CTNNA3: variants seen among roughly 807,000 people sequenced by gnomAD.
CTNNA3 encodes the protein catenin alpha 3, also known as catenin alpha-3.
A neutral mutation model predicts 95.7 loss-of-function variants in CTNNA3; 76 were observed. The ratio of observed to expected loss-of-function variants is 0.79; its 90% confidence interval spans 0.66 to 0.96. The LOEUF (loss-of-function observed/expected upper bound fraction) is 0.96. Ranked by LOEUF, CTNNA3 falls within the 40% of genes least tolerant of loss-of-function variation. CTNNA3 has a pLI of 0.00. For synonymous variants in CTNNA3, 431 were observed against 374.4 expected (o/e 1.15, Z -1.74); for missense variants, 1,191 against 1,089.8 (o/e 1.09, Z -1.31).
chr10:66,960,742 C>T (rs994349653), intron 7 of CTNNA3, among the ~76,000 whole-genome samples: 1 of 152,168 alleles, frequency 6.6e-6, no homozygotes, highest in East Asian at 1.9e-4. Flanking sequence ...CAGAACAGAA[C>T]AGAATGGCAT....
chr10:67,443,495 G>C (rs1238362199), intron 5 of CTNNA3, among the ~76,000 whole-genome samples: 2 of 151,928 alleles, frequency 1.3e-5, no homozygotes, highest in Non-Finnish European at 2.9e-5. Flanking sequence ...GTTCTAACTG[G>C]TGTGAGATGA....
At chr10:66,067,227 A>T (rs1320594507) in intron 15 of CTNNA3, among the ~76,000 whole-genome samples, 1 of 152,170 alleles carries the variant, frequency 6.6e-6, no homozygotes, top group Non-Finnish European at 1.5e-5. Flanking sequence ...CTCTCTGTGT[A>T]ATTGTACTAG....
intron 7 of CTNNA3, among the ~76,000 whole-genome samples, chr10:66,820,438 AACT>A (rs1329849334): frequency 1.6e-4 from 24 of 152,074 alleles, no homozygotes; most frequent in Admixed American, 1.6e-3. Context: ...ATATATTAAA[AACT>A]ACTGAATTAT....
At position 66,748,029 on chromosome 10, in the gene CTNNA3, A is replaced by C. The variant is rs148712859; in HGVS notation, c.1281+18235T>G. On this transcript the variant is annotated intron_variant, in intron 9 of 17. Coordinates refer to ENST00000433211, the MANE Select transcript of CTNNA3 (RefSeq NM_013266.4). ...GACAGTGACAGTCCATTTCTTAAAG[A>C]AAGCTGGTGTCTGTGCTTCCTGCTG... Among the ~76,000 whole-genome samples, 420 of 152,250 alleles carry C rather than the reference A, an allele frequency of 2.8e-3. 2 individuals are homozygous for C. The highest frequency in any genetic ancestry group is 9.8e-3 in the African/African-American group (407 of 41,566).
rs1564807984 is a variant in CTNNA3 at position 66,978,063 on chromosome 10, TATATAC to T, written c.1047+202248_1047+202253del. Among the ~76,000 whole-genome samples the T allele has an allele frequency of 3.3e-3, 324 of 97,412 alleles. 4 individuals are homozygous for T. The East Asian group carries it at 0.037, about 11-fold the overall frequency. 63.9% of individuals were successfully genotyped at this position (97,412 alleles called of 152,430 possible). On this transcript the variant is annotated intron_variant, in intron 7 of 17. Transcript: ENST00000433211. ...ATAAATTTGCACACACATATATATATATATACACACACACACACACACACACACATG... is the reference window on the plus strand; with the variant it reads ...ATAAATTTGCACACACATATATATATACACACACACACACACACACACATG...
intron 12 of CTNNA3, among the ~76,000 whole-genome samples, chr10:66,332,014 A>G (rs2092336462): frequency 6.6e-6 from 1 of 151,878 alleles, no homozygotes; most frequent in Admixed American, 6.6e-5. Flanking sequence ...GCAATTGTGA[A>G]TGGGAGTTCA....
intron 11 of CTNNA3, among the ~76,000 whole-genome samples, chr10:66,512,986 A>T (rs1373307331): frequency 6.6e-6 from 1 of 151,998 alleles, no homozygotes; most frequent in Non-Finnish European, 1.5e-5. Flanking sequence ...CTCATAGAAG[A>T]CCTTTTTGGA....
intron 13 of CTNNA3, among the ~76,000 whole-genome samples, chr10:66,161,148 T>C (rs943139495): frequency 1.3e-5 from 2 of 152,216 alleles, no homozygotes; most frequent in African/African-American, 4.8e-5. Flanking sequence ...CTGTATTTTT[T>C]AAGTGGAGCA....
chr10:66,853,335 T>C (rs946143379), intron 7 of CTNNA3, among the ~76,000 whole-genome samples: 5 of 152,062 alleles, frequency 3.3e-5, no homozygotes, highest in African/African-American at 1.2e-4. Flanking sequence ...GAGAAGGAAA[T>C]ACAAATTAAT....
chr10:66,459,302 C>T (rs2093513394), intron 11 of CTNNA3, among the ~76,000 whole-genome samples: 1 of 152,084 alleles, frequency 6.6e-6, no homozygotes, highest in Non-Finnish European at 1.5e-5. Context: ...TTCCAGTCAA[C>T]AGTGAGTATG....
intron 4 of CTNNA3, among the ~76,000 whole-genome samples, chr10:67,523,698 C>T (rs1379501360): frequency 6.6e-6 from 1 of 152,166 alleles, no homozygotes; most frequent in African/African-American, 2.4e-5. Flanking sequence ...GACGTGGAAA[C>T]CAATTCTACC....
intron 7 of CTNNA3, among the ~76,000 whole-genome samples, chr10:67,045,740 C>T (rs80220789): frequency 0.027 from 4,154 of 152,178 alleles, 184 homozygotes; most frequent in African/African-American, 0.088. Flanking sequence ...CAAGGCCCCC[C>T]TCTGTTTTTT....
chr10:67,251,809 G>A (rs1399365407), intron 5 of CTNNA3, among the ~76,000 whole-genome samples: 1 of 152,126 alleles, frequency 6.6e-6, no homozygotes, highest in African/African-American at 2.4e-5. Context: ...AAGATTTGAG[G>A]AAGAGAGGGA....
At chr10:66,528,651 G>C (rs972097765) in intron 10 of CTNNA3, among the ~76,000 whole-genome samples, 1 of 152,128 alleles carries the variant, frequency 6.6e-6, no homozygotes, top group African/African-American at 2.4e-5. Context: ...GGTAATTTCA[G>C]GTGTTTTACA....
intron 13 of CTNNA3, among the ~76,000 whole-genome samples, chr10:66,145,782 G>C (rs2083852685): frequency 6.6e-6 from 1 of 152,072 alleles, no homozygotes; most frequent in African/African-American, 2.4e-5. Flanking sequence ...CTTATTCATA[G>C]ATACACATAG....
At chr10:66,971,701 C>T (rs1247993253) in intron 7 of CTNNA3, among the ~76,000 whole-genome samples, 1 of 152,140 alleles carries the variant, frequency 6.6e-6, no homozygotes, top group East Asian at 1.9e-4. Context: ...GTATAAACCA[C>T]TCCCACCTCA....
At chr10:66,502,892 T>C (rs1840326756) in intron 11 of CTNNA3, among the ~76,000 whole-genome samples, 1 of 152,188 alleles carries the variant, frequency 6.6e-6, no homozygotes, top group Non-Finnish European at 1.5e-5. Flanking sequence ...CCCAGAAGTA[T>C]TGTATGAGCA....
intron 12 of CTNNA3, among the ~76,000 whole-genome samples, chr10:66,340,425 G>T (rs541365592): frequency 1.3e-5 from 2 of 151,812 alleles, no homozygotes; most frequent in Non-Finnish European, 3.0e-5. Flanking sequence ...CTAATTTAGA[G>T]ATGGTAGAGC....
At chr10:67,567,952 G>A (rs1039803668) in intron 3 of CTNNA3, among the ~76,000 whole-genome samples, 16 of 152,160 alleles carry the variant, frequency 1.1e-4, no homozygotes, top group African/African-American at 3.9e-4. Context: ...GTATATTAAT[G>A]CAGGAGCCTC....
Sources: allele counts gnomAD v4.1 joint callset (sites outside exome capture counted in the v4.1 genomes callset), GRCh38; gene constraint gnomAD v4.1.1; transcripts MANE v1.5; gene names NCBI Gene and HGNC (gene_info 2026-07-23, HGNC 2026-07-21).